The following SHC2 variants were observed in gnomAD, a reference collection of about 807,000 sequenced individuals.
SHC2 encodes SHC adaptor protein 2, also known as SHC-transforming protein 2.
In SHC2, 62 loss-of-function variants were observed where a neutral mutation model predicts 60.6. That is an observed-to-expected ratio of 1.02 (90% CI 0.83 to 1.26). The LOEUF is 1.26. Ranked by LOEUF, SHC2 falls within the 50% of genes most tolerant of loss-of-function variation. The pLI, the probability that SHC2 is intolerant of heterozygous loss-of-function variation, is 0.00. For missense variants in SHC2, 873 were observed against 822.2 expected (o/e 1.06, Z -0.76); for synonymous variants, 375 against 372.4 (o/e 1.01, Z -0.08).
chr19:458,935 A>G (rs8104683), intron 1 of SHC2, among the ~76,000 whole-genome samples: 55,454 of 151,966 alleles, frequency 0.36, 14,756 homozygotes, highest in African/African-American at 0.76. Context: ...GTGAGGTTTC[A>G]CAGCCAGCTT....
At chr19:431,244 T>G (rs1974581353) in intron 8 of SHC2, among the ~76,000 whole-genome samples, 1 of 150,616 alleles carries the variant, frequency 6.6e-6, no homozygotes, top group Non-Finnish European at 1.5e-5. Flanking sequence ...TCGTCTAATG[T>G]GTCCAGAGGA....
At chr19:458,855 C>A (rs1975462762) in intron 1 of SHC2, among the ~76,000 whole-genome samples, 1 of 151,484 alleles carries the variant, frequency 6.6e-6, no homozygotes, top group South Asian at 2.1e-4. Flanking sequence ...GAGGCGGAAG[C>A]GGGTCCTGGG....
chr19:434,780 G>A lies in SHC2; in HGVS notation c.1039C>T (p.Pro347Ser). 1 of 1,612,848 alleles carries A rather than the reference G, an allele frequency of 6.2e-7. No homozygotes were observed. The highest frequency in any genetic ancestry group is 1.1e-5 in the South Asian group (1 of 91,082). ...NYYNSIPGKE[P>S]PLGGLVDSRL... ...GAGTCCACTAGCCCGCCCAGCGGCG[G>A]CTCCTTCCCCGGGATGCTGTTGTAG... The change falls in exon 8 of 13, where the codon CCG becomes TCG. Residue 347 changes from proline to serine, a missense_variant. Physicochemically the swap from Pro to Ser is moderately conservative, Grantham distance 74. Coordinates refer to ENST00000264554, the MANE Select transcript of SHC2 (RefSeq NM_012435.3).
chr19:460,956 G>A lies in SHC2; in HGVS notation c.41C>T (p.Pro14Leu). The A allele has an allele frequency of 1.0e-6, 1 of 985,034 alleles. No individual in the cohort carries two copies. Among genetic ancestry groups the A allele is most frequent in the Non-Finnish European group, 1.2e-6 (1 of 829,882 alleles). The allele number at this position is 985,034 out of a possible 1,614,324, so 61.0% of individuals were successfully genotyped here. A position where few individuals can be genotyped will look rare whatever the true frequency, so the allele number is the denominator to read the frequency against. ...GPGGRAPPAP[P>L]APPEPEAPTT... ...GGGCGCCTCGGGCTCGGGGGGCGCGGGGGGCGCCGGGGGCGCGCGCCCGCC... is the reference window on the plus strand; with the variant it reads ...GGGCGCCTCGGGCTCGGGGGGCGCGAGGGGCGCCGGGGGCGCGCGCCCGCC... Residue 14 changes from proline (P) to leucine (L), a missense_variant, in exon 1 of 13, where the codon CCC (proline) becomes CTC (leucine). Coordinates refer to ENST00000264554, the MANE Select transcript of SHC2 (RefSeq NM_012435.3).
chr19:421,366 T>C (rs1471650043), intron 11 of SHC2, among the ~76,000 whole-genome samples: 2 of 141,114 alleles, frequency 1.4e-5, no homozygotes, highest in East Asian at 4.2e-4. Flanking sequence ...CGCCATTGCA[T>C]TCCAGCCGGG....
intron 1 of SHC2, among the ~76,000 whole-genome samples, chr19:450,590 T>C (rs1213597207): frequency 3.3e-5 from 5 of 152,190 alleles, no homozygotes; most frequent in African/African-American, 4.8e-5. Context: ...GCACAAAGCT[T>C]GTCCTTCTGT....
At chr19:456,267 C>G (rs1975340522) in intron 1 of SHC2, among the ~76,000 whole-genome samples, 1 of 152,178 alleles carries the variant, frequency 6.6e-6, no homozygotes, top group African/African-American at 2.4e-5. Flanking sequence ...TGTCCCTGTG[C>G]CTGCTGTGAT....
chr19:424,236 G>A lies in SHC2; in HGVS notation c.1309+861C>T, dbSNP rs1250119606. 1.3e-5 allele frequency among the ~76,000 whole-genome samples: 2 copies of A among 152,186 alleles called. No individual in the cohort carries two copies. Among genetic ancestry groups the A allele is most frequent in the Non-Finnish European group, 2.9e-5 (2 of 68,038 alleles). On this transcript the variant is annotated intron_variant, in intron 10 of 12. Transcript: ENST00000264554. This position sits in a 1 kb window ranked among gnomAD's most constrained non-coding sequence, Gnocchi z 4.5. ...AGGAAGGACAAGCCTCCTCCGCCCG[G>A]CTGGGGGCTCCCTCGGGCTGGGTCA...
chr19:436,374 C>T lies in SHC2; in HGVS notation c.826+6G>A. The T allele has an allele frequency of 6.3e-7, 1 of 1,594,982 alleles. No individual in the cohort carries two copies. Among genetic ancestry groups the T allele is most frequent in the Non-Finnish European group, 8.6e-7 (1 of 1,167,540 alleles). ...GGACCCCCACCGGCCTCCCCGGGGG[C>T]CTCACCTCTCTGGTTGATGGGGTCC... On this transcript the variant is annotated splice_donor_region_variant and intron_variant, in intron 6 of 12. Coordinates refer to ENST00000264554, the MANE Select transcript of SHC2 (RefSeq NM_012435.3).
At chr19:455,696 G>C (rs915698549) in intron 1 of SHC2, among the ~76,000 whole-genome samples, 1 of 152,198 alleles carries the variant, frequency 6.6e-6, no homozygotes, top group Non-Finnish European at 1.5e-5. Context: ...GAGCTCAGAA[G>C]TCTAAAATCA....
intron 11 of SHC2, among the ~76,000 whole-genome samples, chr19:420,862 C>T (rs1185745283): frequency 1.3e-5 from 2 of 151,236 alleles, no homozygotes; most frequent in Non-Finnish European, 2.9e-5. Flanking sequence ...CCAACCTGGC[C>T]AACATGGTGA....
rs775623795 is a variant in SHC2 at position 422,274 on chromosome 19, C to G, written c.1492G>C (p.Glu498Gln). Residue 498 changes from glutamate (E) to glutamine (Q), a missense_variant, in exon 11 of 13, where the codon GAG (glutamate) becomes CAG (glutamine). Physicochemically the swap from Glu to Gln is conservative, Grantham distance 29. Transcript: ENST00000264554. This position sits in a 1 kb window ranked among gnomAD's most constrained non-coding sequence, Gnocchi z 5.0. ...YHGRMSRRAA[E>Q]RMLRADGDFL... ...TCCCCGTCAGCTCGAAGCATCCTCT[C>G]TGCCGCCCGGCGGCTCATCCGGCCG... 1 of 1,612,308 alleles carries G rather than the reference C, an allele frequency of 6.2e-7. No individual in the cohort carries two copies. The highest frequency in any genetic ancestry group is 1.7e-5 in the Admixed American group (1 of 59,964).
chr19:419,538 C>A (rs1487806493), intron 11 of SHC2: 3 of 152,532 alleles, frequency 2.0e-5, no homozygotes, highest in Non-Finnish European at 2.9e-5. Context: ...CCCGGGAGCC[C>A]GGCCACCAGC....
chr19:448,306 G>A (rs556516622), intron 1 of SHC2, among the ~76,000 whole-genome samples: 102 of 152,328 alleles, frequency 6.7e-4, no homozygotes, highest in Non-Finnish European at 8.8e-4. Context: ...GGAGTCTGAG[G>A]TCAAGCTGCG....
At chr19:421,397 C>CAAA (rs10582067) in intron 11 of SHC2, among the ~76,000 whole-genome samples, 5 of 120,130 alleles carry the variant, frequency 4.2e-5, no homozygotes, top group Non-Finnish European at 3.4e-5. Context: ...GAGACTCCAT[C>CAAA]AAAAAAAAAA....
chr19:428,486 C>T (rs1162164111), intron 9 of SHC2, among the ~76,000 whole-genome samples: 1 of 152,218 alleles, frequency 6.6e-6, no homozygotes, highest in Non-Finnish European at 1.5e-5. Context: ...GGAAGAACCC[C>T]TGATGTTTGC....
chr19:434,964 G>T, intron 7 of SHC2, 99 bp from the exon 8 acceptor site: 1 of 1,295,406 alleles, frequency 7.7e-7, no homozygotes. Context: ...ATCTGAGTTC[G>T]AATCCCAGCC....
chr19:435,104 G>A (rs554206516), intron 7 of SHC2, among the ~76,000 whole-genome samples: 1 of 152,306 alleles, frequency 6.6e-6, no homozygotes, highest in African/African-American at 2.4e-5. Context: ...CAGGTCGTTG[G>A]CAAACCCAGT....
chr19:422,583 C>T lies in SHC2; in HGVS notation c.1310-127G>A, dbSNP rs1316976633. The T allele has an allele frequency of 5.3e-6, 4 of 760,072 alleles. No individual in the cohort carries two copies. Among genetic ancestry groups the T allele is most frequent in the Non-Finnish European group, 6.2e-6 (3 of 480,440 alleles). 47.1% of individuals were successfully genotyped at this position (760,072 alleles called of 1,614,324 possible). ...CACCCGTCGGCCTGCGCTGACCGAG[C>T]GCCCACAGCGTATCAGACTCGCACT... On this transcript the variant is annotated intron_variant, in intron 10 of 12. Transcript: ENST00000264554. The surrounding 1 kb of genome is among the most constrained non-coding windows in gnomAD (Gnocchi z 5.0).
Sources: gnomAD v4.1 joint callset for allele counts (sites outside exome capture counted in the v4.1 genomes callset) on GRCh38, gnomAD v4.1.1 for gene constraint, Gnocchi (gnomAD v3.1) non-coding constraint, MANE v1.5 for transcripts, NCBI Gene and HGNC (gene_info 2026-07-23, HGNC 2026-07-21) for gene names.